The following FNIP2 variants were observed in gnomAD, a reference collection of about 807,000 sequenced individuals.
The protein encoded by FNIP2 is folliculin-interacting protein 2.
Under a neutral mutation model 108.7 loss-of-function variants are expected in FNIP2, and 32 were observed. The observed-to-expected ratio is 0.29, with a 90% confidence interval of 0.22 to 0.40. The LOEUF (loss-of-function observed/expected upper bound fraction) is 0.40. FNIP2 is among the 10% of genes least tolerant of loss of function. The pLI is 1.00. For missense variants in FNIP2, 1,202 were observed against 1,381.6 expected, an observed-to-expected ratio of 0.87 and a Z score of 2.06; for synonymous variants, 480 against 496.7, an observed-to-expected ratio of 0.97 and a Z score of 0.45.
chr4:158,901,946 CAG>C (rs1370015037), intron 16 of FNIP2, among the ~76,000 whole-genome samples: 4 of 151,938 alleles, frequency 2.6e-5, no homozygotes, highest in African/African-American at 4.8e-5. Flanking sequence ...TTCTTTAGCT[CAG>C]AGGAGTTTGT....
At chr4:158,830,742 A>C (rs1778436842) in intron 3 of FNIP2, among the ~76,000 whole-genome samples, 1 of 152,242 alleles carries the variant, frequency 6.6e-6, no homozygotes. Context: ...GCACACTGAC[A>C]GAGAATATAG....
chr4:158,815,624 A>G (rs545482019), intron 1 of FNIP2, among the ~76,000 whole-genome samples: 1 of 152,170 alleles, frequency 6.6e-6, no homozygotes, highest in South Asian at 2.1e-4. Flanking sequence ...TCGGCCTCCC[A>G]AAGTGCTGGG....
chr4:158,859,212 C>T lies in FNIP2; in HGVS notation c.1013C>T (p.Pro338Leu), dbSNP rs1394616149. ...NFQDFFFSHF[P>L]LFESHMNRLK... is the part of the protein sequence containing the mutation. ...CAGGACTTCTTCTTTTCTCATTTTC[C>T]CCTGTTTGAATCTCACATGAACAGG... Residue 338 changes from proline (P) to leucine (L), a missense_variant, in exon 9 of 17, where the codon CCC (proline) becomes CTC (leucine). This residue lies in a region of FNIP2 where 878 missense variants were observed against 990.3 expected (regional missense o/e 0.89). Transcript: ENST00000264433. 3 of 1,612,040 alleles carry T rather than the reference C, an allele frequency of 1.9e-6. No homozygotes were observed. Among genetic ancestry groups the T allele is most frequent in the Non-Finnish European group, 2.5e-6 (3 of 1,179,006 alleles).
chr4:158,870,670 G>A (rs529242443), intron 14 of FNIP2, among the ~76,000 whole-genome samples: 1 of 152,248 alleles, frequency 6.6e-6, no homozygotes, highest in Non-Finnish European at 1.5e-5. Context: ...ACCTGGGCCT[G>A]ACAGAGTAAG....
At chr4:158,846,058 C>T (rs1779384871) in intron 7 of FNIP2, among the ~76,000 whole-genome samples, 1 of 152,134 alleles carries the variant, frequency 6.6e-6, no homozygotes, top group African/African-American at 2.4e-5. Context: ...TCTTACTTGG[C>T]CCACCTTTTC....
At chr4:158,804,989 G>T (rs1366069644) in intron 1 of FNIP2, among the ~76,000 whole-genome samples, 1 of 152,108 alleles carries the variant, frequency 6.6e-6, no homozygotes, top group African/African-American at 2.4e-5. Context: ...AGTTTATTTT[G>T]AAGGAATTTT....
At position 158,907,593 on chromosome 4, in the gene FNIP2, T is replaced by G. The variant is rs1402101441; in HGVS notation, c.*3049T>G. 1 of 152,202 alleles carries G rather than the reference T, an allele frequency of 6.6e-6. No individual in the cohort carries two copies. The highest frequency in any genetic ancestry group is 6.5e-5 in the Admixed American group (1 of 15,280). 9.4% of individuals were successfully genotyped at this position (152,202 alleles called of 1,614,324 possible). A position where few individuals can be genotyped will look rare whatever the true frequency, so the allele number is the denominator to read the frequency against. ...TAAAGAATATAAAGTATCCCAAAAT[T>G]CTTTTAAAGTCTGGATTTTTCCGCT... On this transcript the variant is annotated 3_prime_UTR_variant, in exon 17 of 17. Transcript: ENST00000264433.
chr4:158,807,873 G>A (rs1171775885), intron 1 of FNIP2, among the ~76,000 whole-genome samples: 1 of 152,158 alleles, frequency 6.6e-6, no homozygotes, highest in South Asian at 2.1e-4. Context: ...AGAGGAGGAG[G>A]TAATGATATG....
chr4:158,883,325 T>G (rs942780471), intron 14 of FNIP2, among the ~76,000 whole-genome samples: 20 of 152,254 alleles, frequency 1.3e-4, no homozygotes, highest in Admixed American at 4.6e-4. Flanking sequence ...CACTGCAAGC[T>G]CCGCCTCCTG....
Position 158,782,523 on chromosome 4 carries a change from G to GTT in FNIP2, c.107+13215_107+13216dup, listed in dbSNP as rs77146538. On this transcript the variant is annotated intron_variant, in intron 1 of 16. Coordinates refer to ENST00000264433, the MANE Select transcript of FNIP2 (RefSeq NM_020840.3). ...TTTTAATATCAGGAGCTTCCTTTTTGTTTTTTTTTTTTCCTCAAATTAGTT... is the reference window on the plus strand; with the variant it reads ...TTTTAATATCAGGAGCTTCCTTTTTGTTTTTTTTTTTTTTCCTCAAATTAGTT... Among the ~76,000 whole-genome samples, 5 of 74,878 alleles carry GTT rather than the reference G, an allele frequency of 6.7e-5. No homozygotes were observed. The East Asian group carries it at 1.1e-3, about 17-fold the overall frequency. 49.1% of individuals were successfully genotyped at this position (74,878 alleles called of 152,430 possible). A position where few individuals can be genotyped will look rare whatever the true frequency, so the allele number is the denominator to read the frequency against.
At chr4:158,794,210 T>C (rs1040646408) in intron 1 of FNIP2, among the ~76,000 whole-genome samples, 5 of 152,294 alleles carry the variant, frequency 3.3e-5, no homozygotes, top group Middle Eastern at 3.4e-3. Context: ...TGGAGTGCAG[T>C]GGTGTGATCA....
intron 1 of FNIP2, among the ~76,000 whole-genome samples, chr4:158,791,477 T>A (rs1776419043): frequency 6.6e-6 from 1 of 151,860 alleles, no homozygotes; most frequent in Non-Finnish European, 1.5e-5. Flanking sequence ...GTAGGGGGTT[T>A]CTCCATGTTG....
intron 14 of FNIP2, among the ~76,000 whole-genome samples, chr4:158,879,917 G>A (rs900563125): frequency 3.1e-4 from 46 of 147,374 alleles, no homozygotes; most frequent in African/African-American, 5.9e-4. Context: ...CAGTTAGAAT[G>A]GCAATAATTA....
intron 12 of FNIP2, among the ~76,000 whole-genome samples, chr4:158,863,846 G>A (rs1273340590): frequency 6.6e-6 from 1 of 152,056 alleles, no homozygotes; most frequent in Non-Finnish European, 1.5e-5. Flanking sequence ...TGATCTTAAG[G>A]GTTTGTAGAA....
chr4:158,885,204 T>C (rs1286419900), intron 14 of FNIP2, among the ~76,000 whole-genome samples: 3 of 151,978 alleles, frequency 2.0e-5, no homozygotes, highest in Non-Finnish European at 4.4e-5. Flanking sequence ...ATCACGAGAA[T>C]AGCATGGGGG....
At chr4:158,851,181 C>A in intron 7 of FNIP2, 140 bp from the exon 8 acceptor site, 2 of 905,038 alleles carry the variant, frequency 2.2e-6, no homozygotes, top group South Asian at 2.7e-5. Context: ...TTTTTAGTGG[C>A]GAAGTGTACA....
intron 8 of FNIP2, among the ~76,000 whole-genome samples, chr4:158,854,933 G>C (rs961317204): frequency 6.6e-6 from 1 of 152,178 alleles, no homozygotes; most frequent in Non-Finnish European, 1.5e-5. Flanking sequence ...ACTTACAAAG[G>C]TGGGAGAAAG....
At chr4:158,812,140 C>G (rs1055328518) in intron 1 of FNIP2, among the ~76,000 whole-genome samples, 9 of 152,204 alleles carry the variant, frequency 5.9e-5, no homozygotes, top group Non-Finnish European at 8.8e-5. Context: ...ATCTTTCCCA[C>G]TGGACCTTGC....
At chr4:158,824,377 G>A (rs888290186) in intron 1 of FNIP2, among the ~76,000 whole-genome samples, 1 of 152,118 alleles carries the variant, frequency 6.6e-6, no homozygotes, top group Admixed American at 6.5e-5. Flanking sequence ...GCTTTTGTTA[G>A]TCTGTCTGTG....
Sources: allele counts gnomAD v4.1 joint callset (sites outside exome capture counted in the v4.1 genomes callset), GRCh38; gene constraint gnomAD v4.1.1; regional missense constraint gnomAD v4.1.1; transcripts MANE v1.5; gene names NCBI Gene and HGNC (gene_info 2026-07-23, HGNC 2026-07-21).